TRAPPC9: variants seen among roughly 807,000 people sequenced by gnomAD.
The protein encoded by TRAPPC9 is IKK2 binding protein.
In TRAPPC9, 83 loss-of-function variants were observed where a neutral mutation model predicts 124.0. That is an observed-to-expected ratio of 0.67 (90% CI 0.56 to 0.80). The LOEUF is 0.80. TRAPPC9 is among the 30% of genes least tolerant of loss of function. TRAPPC9 has a pLI of 0.00. For missense variants in TRAPPC9, 1,302 were observed against 1,508.3 expected (o/e 0.86, Z 2.27); for synonymous variants, 638 against 617.5 (o/e 1.03, Z -0.49).
At chr8:140,311,546 T>C (rs895681487) in intron 9 of TRAPPC9, among the ~76,000 whole-genome samples, 172 bp from the exon 10 acceptor site, 1 of 152,166 alleles carries the variant, frequency 6.6e-6, no homozygotes, top group African/African-American at 2.4e-5. Flanking sequence ...ATTCCACTTA[T>C]TCGAAAATCA....
At chr8:140,410,857 A>C (rs1207191273) in intron 5 of TRAPPC9, among the ~76,000 whole-genome samples, 1 of 151,884 alleles carries the variant, frequency 6.6e-6, no homozygotes, top group Non-Finnish European at 1.5e-5. Context: ...AAAAAAAATT[A>C]TATAGATTTA....
chr8:140,001,414 C>T (rs866425479), intron 18 of TRAPPC9, among the ~76,000 whole-genome samples: 3 of 150,982 alleles, frequency 2.0e-5, no homozygotes, highest in East Asian at 1.9e-4. Context: ...AAAAAGAAAC[C>T]GGACAAAGAA....
At chr8:140,207,192 T>C (rs747369648) in intron 17 of TRAPPC9, among the ~76,000 whole-genome samples, 1 of 152,216 alleles carries the variant, frequency 6.6e-6, no homozygotes, top group Non-Finnish European at 1.5e-5. Flanking sequence ...ATTTCAAAGA[T>C]GGCCTGAAGT....
intron 19 of TRAPPC9, among the ~76,000 whole-genome samples, chr8:139,961,329 G>T (rs1835361405): frequency 8.1e-6 from 1 of 124,104 alleles, no homozygotes; most frequent in Non-Finnish European, 1.9e-5. Flanking sequence ...GGCATGGCTG[G>T]GGCTGTATAC....
chr8:140,311,121 G>A (rs915042119), intron 10 of TRAPPC9, 127 bp downstream of exon 10: 2 of 1,126,258 alleles, frequency 1.8e-6, no homozygotes, highest in Non-Finnish European at 2.6e-6. Context: ...CAAGTTTAAT[G>A]AGATAATGAA....
chr8:140,374,142 T>C (rs751639474), intron 7 of TRAPPC9, among the ~76,000 whole-genome samples: 11 of 152,240 alleles, frequency 7.2e-5, no homozygotes, highest in Admixed American at 1.3e-4. Flanking sequence ...TGTCTAGGTC[T>C]ATGGTCCGTG....
intron 21 of TRAPPC9, among the ~76,000 whole-genome samples, chr8:139,836,355 C>T (rs555772725): frequency 4.6e-5 from 7 of 152,322 alleles, no homozygotes; most frequent in African/African-American, 7.2e-5. Flanking sequence ...TCTCAGACCC[C>T]GGAGCGGGAC....
chr8:139,759,589 G>A (rs1433526636), intron 21 of TRAPPC9, among the ~76,000 whole-genome samples: 2 of 152,162 alleles, frequency 1.3e-5, no homozygotes, highest in African/African-American at 2.4e-5. Flanking sequence ...GCAGAGGAAC[G>A]AGCCTGGCGA....
At chr8:139,967,674 C>T (rs750707667) in intron 19 of TRAPPC9, among the ~76,000 whole-genome samples, 3 of 152,168 alleles carry the variant, frequency 2.0e-5, no homozygotes, top group African/African-American at 4.8e-5. Flanking sequence ...TGCCTGGGCC[C>T]GCCAGGAAGA....
At chr8:140,377,916 C>T (rs1201285309) in intron 7 of TRAPPC9, among the ~76,000 whole-genome samples, 6 of 151,254 alleles carry the variant, frequency 4.0e-5, no homozygotes, top group East Asian at 1.9e-4. Context: ...GCCACGATCA[C>T]GCCACTGCAC....
chr8:140,355,746 C>T (rs553929020), intron 9 of TRAPPC9, among the ~76,000 whole-genome samples: 13 of 152,160 alleles, frequency 8.5e-5, no homozygotes, highest in Non-Finnish European at 1.9e-4. Context: ...CTTGAAGCCT[C>T]CGTCCTCACT....
At chr8:140,427,185 C>T (rs1234736438) in intron 4 of TRAPPC9, among the ~76,000 whole-genome samples, 1 of 151,738 alleles carries the variant, frequency 6.6e-6, no homozygotes, top group Non-Finnish European at 1.5e-5. Context: ...CATGACCCAC[C>T]ATGCCCGGCC....
chr8:139,914,967 A>G (rs559037122), intron 19 of TRAPPC9: 9 of 152,382 alleles, frequency 5.9e-5, no homozygotes, highest in African/African-American at 2.2e-4. Context: ...AAGGTTTCCA[A>G]AAAGTGACTC....
At chr8:139,822,986 A>C (rs1825356731) in intron 21 of TRAPPC9, among the ~76,000 whole-genome samples, 2 of 152,254 alleles carry the variant, frequency 1.3e-5, no homozygotes, top group Non-Finnish European at 2.9e-5. Context: ...TGTGAGCTCA[A>C]GATGGCCTTT....
intron 9 of TRAPPC9, among the ~76,000 whole-genome samples, chr8:140,320,588 C>T (rs970479652): frequency 1.1e-4 from 17 of 152,202 alleles, no homozygotes; most frequent in Non-Finnish European, 2.1e-4. Context: ...AAATCCAGCA[C>T]CCGGTTATCG....
chr8:139,986,600 G>A (rs1837252108), intron 19 of TRAPPC9, among the ~76,000 whole-genome samples: 1 of 152,114 alleles, frequency 6.6e-6, no homozygotes, highest in Admixed American at 6.5e-5. Context: ...CTATTAATCT[G>A]TCAGATATTT....
intron 15 of TRAPPC9, among the ~76,000 whole-genome samples, chr8:140,256,459 C>A (rs1242121633): frequency 1.3e-5 from 2 of 152,176 alleles, no homozygotes; most frequent in Non-Finnish European, 2.9e-5. Flanking sequence ...AACTGACTTT[C>A]TTCCTTCCCA....
chr8:140,315,115 T>C (rs2066408264), intron 9 of TRAPPC9, among the ~76,000 whole-genome samples: 1 of 152,346 alleles, frequency 6.6e-6, no homozygotes, highest in Admixed American at 6.5e-5. Context: ...TTTTGACTTT[T>C]TGATAATAGG....
chr8:140,200,446 G>T (rs1444374038), intron 17 of TRAPPC9, among the ~76,000 whole-genome samples: 1 of 152,040 alleles, frequency 6.6e-6, no homozygotes, highest in Non-Finnish European at 1.5e-5. Flanking sequence ...ATAGAAAGGG[G>T]ACCAAAAAGA....
Sources: allele counts gnomAD v4.1 joint callset (sites outside exome capture counted in the v4.1 genomes callset), GRCh38; gene constraint gnomAD v4.1.1; transcripts MANE v1.5; gene names NCBI Gene and HGNC (gene_info 2026-07-23, HGNC 2026-07-21).